The following INCENP variants were observed in gnomAD, a reference collection of about 807,000 sequenced individuals.
INCENP encodes binds and activates aurora-B and -C in vivo and in vitro.
In INCENP, 43 loss-of-function variants were observed where a neutral mutation model predicts 107.3. The observed-to-expected ratio is 0.40, with a 90% CI of 0.31 to 0.52. INCENP has a LOEUF of 0.52. INCENP is among the 20% of genes least tolerant of loss of function. INCENP has a pLI of 0.53. For synonymous variants in INCENP, 488 were observed against 494.4 expected (o/e 0.99, Z 0.17); for missense variants, 1,089 against 1,250.9 (o/e 0.87, Z 1.95).
At chr11:62,137,716 G>A (rs1388265642) in intron 4 of INCENP, 116 bp from the exon 5 acceptor site, 8 of 858,950 alleles carry the variant, frequency 9.3e-6, no homozygotes, top group Admixed American at 5.4e-5. Flanking sequence ...GGGGCTCCAC[G>A]GCTAGTGATG....
At chr11:62,151,545 G>T (rs1944372357) in intron 18 of INCENP, among the ~76,000 whole-genome samples, 1 of 152,218 alleles carries the variant, frequency 6.6e-6, no homozygotes, top group Non-Finnish European at 1.5e-5. Flanking sequence ...GAGCTCTCAA[G>T]GACTTTGTAA....
At chr11:62,145,367 C>T (rs1395671156) in intron 13 of INCENP, 78 bp downstream of exon 13, 1 of 1,586,586 alleles carries the variant, frequency 6.3e-7, no homozygotes, top group African/African-American at 1.4e-5. Flanking sequence ...CAGGAAATTG[C>T]AGATTTGTCA....
chr11:62,136,368 A>C (rs1481132395), intron 4 of INCENP, among the ~76,000 whole-genome samples: 1 of 152,112 alleles, frequency 6.6e-6, no homozygotes, highest in Non-Finnish European at 1.5e-5. Flanking sequence ...AATGGCATGT[A>C]CTTGAGTTTA....
At chr11:62,140,495 G>A (rs748925496) in intron 8 of INCENP, among the ~76,000 whole-genome samples, 50 of 152,180 alleles carry the variant, frequency 3.3e-4, no homozygotes, top group Non-Finnish European at 6.3e-4. Context: ...TGTTGACCCC[G>A]TCTTAGTGTG....
At chr11:62,136,641 A>T (rs1447718028) in intron 4 of INCENP, among the ~76,000 whole-genome samples, 1 of 152,200 alleles carries the variant, frequency 6.6e-6, no homozygotes, top group Non-Finnish European at 1.5e-5. Flanking sequence ...AGATTGCGCC[A>T]CTGCATTCAG....
chr11:62,151,890 C>T lies in INCENP; in HGVS notation c.2671C>T (p.Arg891Cys), dbSNP rs1944382061. Residue 891 changes from arginine (R) to cysteine (C), a missense_variant, in exon 19 of 19, where the codon CGC (arginine) becomes TGC (cysteine). Transcript: ENST00000394818. ...GAAGAGCAAGCCCCGCTATCACAAG[C>T]GCACCAGCTCTGCTGTCTGGAACTC... ...FKKSKPRYHK[R>C]TSSAVWNSPP... The T allele has an allele frequency of 6.2e-7, 1 of 1,613,998 alleles. No homozygotes were observed. The highest frequency in any genetic ancestry group is 8.5e-7 in the Non-Finnish European group (1 of 1,180,048).
intron 11 of INCENP, among the ~76,000 whole-genome samples, chr11:62,143,689 G>T (rs900779024): frequency 1.4e-4 from 21 of 152,192 alleles, no homozygotes; most frequent in African/African-American, 4.8e-4. Flanking sequence ...AGGCGAGAGT[G>T]CTCCTCCAGT....
intron 1 of INCENP, among the ~76,000 whole-genome samples, chr11:62,127,519 G>C (rs1213591714): frequency 6.6e-6 from 1 of 152,236 alleles, no homozygotes; most frequent in African/African-American, 2.4e-5. Flanking sequence ...CAAGGGAGAG[G>C]GTTGTGGGAG....
intron 4 of INCENP, among the ~76,000 whole-genome samples, chr11:62,133,452 G>A (rs896579915): frequency 2.0e-5 from 3 of 152,076 alleles, no homozygotes; most frequent in Admixed American, 1.3e-4. Flanking sequence ...GGGGCCCATC[G>A]GGCAGCAGTT....
intron 4 of INCENP, among the ~76,000 whole-genome samples, chr11:62,132,725 C>T (rs1295422558): frequency 6.6e-6 from 1 of 152,168 alleles, no homozygotes; most frequent in African/African-American, 2.4e-5. Flanking sequence ...CCTTTCCCTG[C>T]CCATGAATGG....
At chr11:62,126,613 A>C (rs1306506037) in intron 1 of INCENP, among the ~76,000 whole-genome samples, 1 of 152,056 alleles carries the variant, frequency 6.6e-6, no homozygotes, top group Non-Finnish European at 1.5e-5. Context: ...TCACTCATTC[A>C]CCTGTTGGGA....
rs924358602 is a variant in INCENP, at chr11:62,129,889, T to C, written c.362T>C (p.Leu121Pro). 4 of 1,613,636 alleles carry C rather than the reference T, an allele frequency of 2.5e-6. No individual in the cohort carries two copies. Among genetic ancestry groups the C allele is most frequent in the African/African-American group, 1.3e-5 (1 of 75,044 alleles). ...GTGGTCGGGGAGAACGGCTCCGTCC[T>C]GCGGCGTGTGACCCGTGCTGCGGCT... ...ATVVGENGSV[L>P]RRVTRAAAAA... The change falls in exon 4 of 19, where the codon CTG becomes CCG. Residue 121 changes from leucine to proline, a missense_variant. Leu to Pro is a moderately conservative substitution (Grantham distance 98). Transcript: ENST00000394818.
At chr11:62,143,445 A>G (rs1435224295) in intron 11 of INCENP, among the ~76,000 whole-genome samples, 2 of 152,046 alleles carry the variant, frequency 1.3e-5, no homozygotes, top group Admixed American at 6.6e-5. Context: ...GAGAAAAACA[A>G]TGGAGAACTC....
Position 62,130,481 on chromosome 11 carries a change from A to G in INCENP, c.954A>G (p.Leu318=). ...IAPSSPSPQV[L]AQKYSLVAKQ... is the part of the protein sequence containing the mutation. ...CGTCTTCCCCGAGTCCCCAAGTCTT[A>G]GCCCAGAAGTACTCTCTGGTGGCCA... is the stretch of plus-strand genomic sequence containing the variant. The change falls in exon 4 of 19, where the codon TTA becomes TTG. Residue 318 remains leucine (L), a synonymous_variant. Transcript: ENST00000394818. The G allele has an allele frequency of 6.2e-7, 1 of 1,614,128 alleles. No homozygotes were observed. Among genetic ancestry groups the G allele is most frequent in the Non-Finnish European group, 8.5e-7 (1 of 1,180,042 alleles).
At chr11:62,146,168 T>C (rs1333275009) in intron 14 of INCENP, among the ~76,000 whole-genome samples, 1 of 152,204 alleles carries the variant, frequency 6.6e-6, no homozygotes, top group Admixed American at 6.5e-5. Context: ...CTGACTGTTC[T>C]GCCTATAAGA....
At chr11:62,151,495 G>A (rs1465426245) in intron 18 of INCENP, among the ~76,000 whole-genome samples, 3 of 152,248 alleles carry the variant, frequency 2.0e-5, no homozygotes, top group Non-Finnish European at 2.9e-5. Flanking sequence ...TGCCTCCCAG[G>A]TGGTGGTCGG....
At position 62,128,759 on chromosome 11, in the gene INCENP, G is replaced by C. The variant is rs770250730; in HGVS notation, c.141-11G>C. On this transcript the variant is annotated splice_polypyrimidine_tract_variant and intron_variant, in intron 2 of 18. Coordinates refer to ENST00000394818, the MANE Select transcript of INCENP (RefSeq NM_001040694.2). ...GGCAGCCTCGAGTGACACCCTCCTT[G>C]TGCCAAACAGAGAATTCAGCAAAGA... 6.3e-7 allele frequency: 1 copy of C among 1,599,568 alleles called. No individual in the cohort carries two copies. Among genetic ancestry groups the C allele is most frequent in the Non-Finnish European group, 8.6e-7 (1 of 1,166,890 alleles).
chr11:62,128,959 G>C, intron 3 of INCENP, 76 bp downstream of exon 3: 1 of 1,003,938 alleles, frequency 1.0e-6, no homozygotes, highest in Non-Finnish European at 1.6e-6. Context: ...GTTTGATTCT[G>C]AAGGTGTTGA....
chr11:62,125,340 C>T (rs778521699), intron 1 of INCENP, among the ~76,000 whole-genome samples: 6 of 152,248 alleles, frequency 3.9e-5, no homozygotes, highest in Non-Finnish European at 8.8e-5. Flanking sequence ...CCACGTTGCC[C>T]ATTTGAACAA....
Sources: gnomAD v4.1 joint callset for allele counts (sites outside exome capture counted in the v4.1 genomes callset) on GRCh38, gnomAD v4.1.1 for gene constraint, MANE v1.5 for transcripts, NCBI Gene and HGNC (gene_info 2026-07-23, HGNC 2026-07-21) for gene names.